Variants in TMEM164 observed in about 807,000 individuals in gnomAD.
TMEM164 encodes the protein RP13-360B22.2.
In TMEM164, 4 loss-of-function variants were observed where a neutral mutation model predicts 18.8. That is an observed-to-expected ratio of 0.21 (90% CI 0.10 to 0.49). The LOEUF (loss-of-function observed/expected upper bound fraction) is 0.49, where lower values mean the gene tolerates loss of function less well. TMEM164 is among the 20% of genes least tolerant of loss of function. The pLI, the probability that TMEM164 is intolerant of heterozygous loss-of-function variation, is 0.98. For synonymous variants in TMEM164, 86 were observed against 101.7 expected, an observed-to-expected ratio of 0.85 and a Z score of 0.93; for missense variants, 108 against 239.9, an observed-to-expected ratio of 0.45 and a Z score of 3.63.
At chrX:110,049,545 G>A (rs1935459107) in intron 2 of TMEM164, among the ~76,000 whole-genome samples, 1 of 111,337 alleles carries the variant, frequency 9.0e-6, no homozygotes, top group African/African-American at 3.3e-5. Context: ...GTGGAGCTCA[G>A]GTGATGATGC....
chrX:110,084,518 G>A (rs1351357985), intron 3 of TMEM164, among the ~76,000 whole-genome samples: 1 of 94,442 alleles, frequency 1.1e-5, no homozygotes, highest in African/African-American at 3.9e-5. Flanking sequence ...GTGCATGCCT[G>A]TAATCCCAGC....
downstream of TMEM164, among the ~76,000 whole-genome samples, chrX:110,180,832 C>T (rs1257082700): frequency 5.4e-5 from 6 of 111,755 alleles, no homozygotes; most frequent in Non-Finnish European, 1.1e-4. Context: ...GCCAGCAGGC[C>T]TCTCTGCTCC....
intron 5 of TMEM164, among the ~76,000 whole-genome samples, chrX:110,154,791 C>T (rs925356548): frequency 2.7e-5 from 3 of 111,701 alleles, no homozygotes; most frequent in East Asian, 2.8e-4. Context: ...TCCATGGAGT[C>T]GCTGGATTCA....
chrX:110,003,774 C>A lies in TMEM164; in HGVS notation c.-1C>A. The A allele has an allele frequency of 8.4e-7, 1 of 1,192,983 alleles. No individual in the cohort carries two copies. Among genetic ancestry groups the A allele is most frequent in the Admixed American group, 2.3e-5 (1 of 43,880 alleles). ...CTGTGGTCAAGGGGAACCACTGCAT[C>A]ATGTCCCGGTATAGCTACCAGAGTC... is the stretch of plus-strand genomic sequence containing the variant. On this transcript the variant is annotated 5_prime_UTR_variant, in exon 2 of 7. Transcript: ENST00000372068.
At chrX:110,044,829 C>CT (rs1312812134) in intron 2 of TMEM164, among the ~76,000 whole-genome samples, 1 of 108,899 alleles carries the variant, frequency 9.2e-6, no homozygotes, top group East Asian at 2.9e-4. Flanking sequence ...AGGAAAGTGC[C>CT]TAATGACTCC....
chrX:110,133,440 C>G (rs955200553), intron 4 of TMEM164, among the ~76,000 whole-genome samples: 1 of 112,035 alleles, frequency 8.9e-6, no homozygotes, highest in Non-Finnish European at 1.9e-5. Context: ...CATGAGCCAC[C>G]GCGCCCTGGA....
rs1464132724 is a variant in TMEM164 at position 110,174,717 on chromosome X, G to T, written c.*1266G>T. The T allele has an allele frequency of 2.7e-5, 3 of 111,600 alleles. No individual in the cohort carries two copies. Among genetic ancestry groups the T allele is most frequent in the Admixed American group, 9.4e-5 (1 of 10,583 alleles). The allele number at this position is 111,600 out of a possible 1,213,427, so 9.2% of individuals were successfully genotyped here. A position where few individuals can be genotyped will look rare whatever the true frequency, so the allele number is the denominator to read the frequency against. On this transcript the variant is annotated 3_prime_UTR_variant, in exon 7 of 7. Coordinates refer to ENST00000372068, the MANE Select transcript of TMEM164 (RefSeq NM_032227.4). ...AGGTGCTCCACAAGGAGGAGCTTTTGTTGAAGGACTTCAGCTCAGTTATGC... is the reference window on the plus strand; with the variant it reads ...AGGTGCTCCACAAGGAGGAGCTTTTTTTGAAGGACTTCAGCTCAGTTATGC...
At chrX:110,077,371 G>A (rs972988548) in intron 3 of TMEM164, among the ~76,000 whole-genome samples, 1 of 111,710 alleles carries the variant, frequency 9.0e-6, no homozygotes, top group African/African-American at 3.3e-5. Flanking sequence ...TGCTTCTCTT[G>A]AAGACAGCAG....
chrX:110,178,376 G>T (rs533963241), downstream of TMEM164, among the ~76,000 whole-genome samples: 1 of 112,226 alleles, frequency 8.9e-6, no homozygotes, highest in South Asian at 3.7e-4. Context: ...GAACTGAAAG[G>T]CACAGGAAGA....
intron 3 of TMEM164, 73 bp from the exon 4 acceptor site, chrX:110,109,007 C>T: frequency 9.6e-7 from 1 of 1,038,454 alleles, no homozygotes; most frequent in Non-Finnish European, 1.3e-6. Flanking sequence ...CGTGGCTTAA[C>T]CTGATGTGTC....
intron 2 of TMEM164, 43 bp downstream of exon 2, chrX:110,004,207 G>A (rs1471001824): frequency 2.6e-6 from 3 of 1,154,894 alleles, no homozygotes; most frequent in Non-Finnish European, 3.5e-6. Flanking sequence ...AGTGATAAGA[G>A]TCATTTATGT....
At chrX:110,179,027 TGA>T (rs936712799), downstream of TMEM164, among the ~76,000 whole-genome samples, 2 of 110,163 alleles carry the variant, frequency 1.8e-5, no homozygotes, top group Admixed American at 9.6e-5. Flanking sequence ...GTGTGGAAGA[TGA>T]GAGAGAAAGG....
chrX:110,070,745 T>C (rs2065575342), intron 3 of TMEM164, among the ~76,000 whole-genome samples: 1 of 110,449 alleles, frequency 9.1e-6, no homozygotes, highest in South Asian at 3.9e-4. Context: ...AAAAGAATTA[T>C]AAAAAGAATA....
intron 2 of TMEM164, among the ~76,000 whole-genome samples, chrX:110,026,378 T>C (rs143939457): frequency 9.0e-6 from 1 of 111,430 alleles, no homozygotes; most frequent in East Asian, 2.8e-4. Flanking sequence ...GCAGAGGGTG[T>C]GTGAGTAATG....
intron 3 of TMEM164, 33 bp downstream of exon 3, chrX:110,067,429 T>C: frequency 1.0e-5 from 12 of 1,172,610 alleles, no homozygotes; most frequent in Non-Finnish European, 1.4e-5. Context: ...TCTGTTGCTC[T>C]TCAGAGTATT....
intron 3 of TMEM164, among the ~76,000 whole-genome samples, chrX:110,101,964 C>A (rs1177651057): frequency 9.2e-6 from 1 of 108,911 alleles, no homozygotes; most frequent in Non-Finnish European, 1.9e-5. Context: ...GTTTATTTTG[C>A]TCTTATTTTT....
chrX:110,006,389 G>T (rs1932717317), intron 2 of TMEM164, among the ~76,000 whole-genome samples: 1 of 110,944 alleles, frequency 9.0e-6, no homozygotes. Context: ...GCATGGAACA[G>T]AGCCATGCCG....
chrX:110,033,224 A>G (rs769347381), intron 2 of TMEM164, among the ~76,000 whole-genome samples: 3 of 112,248 alleles, frequency 2.7e-5, no homozygotes, highest in Non-Finnish European at 5.6e-5. Context: ...AAATTGTTCC[A>G]TTTTATAAGG....
chrX:110,153,993 A>C (rs1390526591), intron 5 of TMEM164, among the ~76,000 whole-genome samples: 3 of 110,028 alleles, frequency 2.7e-5, no homozygotes, highest in Non-Finnish European at 1.9e-5. Flanking sequence ...TGTTATTTTC[A>C]TTTTTAAAAA....
Sources: allele counts gnomAD v4.1 joint callset (sites outside exome capture counted in the v4.1 genomes callset), GRCh38; gene constraint gnomAD v4.1.1; transcripts MANE v1.5; gene names NCBI Gene and HGNC (gene_info 2026-07-23, HGNC 2026-07-21).